BICD2: variants seen among roughly 807,000 people sequenced by gnomAD.
The protein encoded by BICD2 is BICD cargo adaptor 2, also known as protein bicaudal D homolog 2.
Under a neutral mutation model 72.9 loss-of-function variants are expected in BICD2, and 25 were observed. That is an observed-to-expected ratio of 0.34 (90% CI 0.25 to 0.48). BICD2 has a LOEUF of 0.48. BICD2 is among the 20% of genes least tolerant of loss of function. BICD2 has a pLI of 0.99. For missense variants in BICD2, 894 were observed against 1,175.2 expected (o/e 0.76, Z 3.50); for synonymous variants, 501 against 516.1 (o/e 0.97, Z 0.40).
In BICD2 at chr9:92,735,436, G is replaced by A. The variant is rs371993389; in HGVS notation, c.241-6200C>T. Among the ~76,000 whole-genome samples, 4 of 151,946 alleles carry A rather than the reference G, an allele frequency of 2.6e-5. No individual in the cohort carries two copies. The East Asian group carries it at 5.8e-4, about 22-fold the overall frequency. ...GGGAAGGGATTTCAAAAACCACATGGGGTGGGAAGGCCAGCCTCATCTGAG... is the reference window on the plus strand; with the variant it reads ...GGGAAGGGATTTCAAAAACCACATGAGGTGGGAAGGCCAGCCTCATCTGAG... On this transcript the variant is annotated intron_variant, in intron 1 of 6. Transcript: ENST00000356884.
chr9:92,727,586 G>A (rs533547840), intron 2 of BICD2, among the ~76,000 whole-genome samples: 6 of 152,296 alleles, frequency 3.9e-5, no homozygotes, highest in South Asian at 2.1e-4. Flanking sequence ...CAAAGGCCAC[G>A]GCCAGGAGGA....
chr9:92,750,746 A>G (rs1244194601), intron 1 of BICD2, among the ~76,000 whole-genome samples: 2 of 152,196 alleles, frequency 1.3e-5, no homozygotes, highest in Admixed American at 1.3e-4. Flanking sequence ...ACAAAAAGTG[A>G]ACCTTAATAT....
rs1853450566 is a variant in BICD2, at chr9:92,720,813, CCAT to C, written c.607-61_607-59del. 6 of 1,543,794 alleles carry C rather than the reference CCAT, an allele frequency of 3.9e-6. No homozygotes were observed. The highest frequency in any genetic ancestry group is 5.3e-6 in the Non-Finnish European group (6 of 1,139,600). ...GCAATGTGGAAGCTCCTTTCAGGCCCCATAAATGAAGAAAACACACCAGCACAC... is the reference window on the plus strand; with the variant it reads ...GCAATGTGGAAGCTCCTTTCAGGCCCAAATGAAGAAAACACACCAGCACAC... On this transcript the variant is annotated intron_variant, in intron 3 of 6. Transcript: ENST00000356884. This position sits in a 1 kb window ranked among gnomAD's most constrained non-coding sequence, Gnocchi z 5.4.
At chr9:92,746,394 T>C (rs1268669945) in intron 1 of BICD2, among the ~76,000 whole-genome samples, 1 of 152,080 alleles carries the variant, frequency 6.6e-6, no homozygotes, top group Non-Finnish European at 1.5e-5. Context: ...TAGCTGGGCA[T>C]GGTGGCAGGG....
At chr9:92,722,093 C>CA (rs1214370027) in intron 3 of BICD2, among the ~76,000 whole-genome samples, 1 of 152,222 alleles carries the variant, frequency 6.6e-6, no homozygotes, top group South Asian at 2.1e-4. Context: ...AGAGCAAGTT[C>CA]AGGCCTTGAG....
Position 92,719,114 on chromosome 9 carries a change from C to A in BICD2, c.1531G>T (p.Asp511Tyr). The change falls in exon 5 of 7, where the codon GAC (aspartate) becomes TAC (tyrosine). Residue 511 changes from aspartate (D) to tyrosine (Y), a missense_variant. Asp to Tyr is a radical substitution (Grantham distance 160). Transcript: ENST00000356884. ...CTGCCCTGTGTCTCGCCGGCGACGTCGCTCACCTTCTTTAGCTCCTTCTCC... is the reference window on the plus strand; with the variant it reads ...CTGCCCTGTGTCTCGCCGGCGACGTAGCTCACCTTCTTTAGCTCCTTCTCC... The part of the protein sequence containing the change: ...RLEKELKKVS[D>Y]VAGETQGSLS... 6.2e-7 allele frequency: 1 copy of A among 1,612,690 alleles called. No homozygotes were observed. The highest frequency in any genetic ancestry group is 8.5e-7 in the Non-Finnish European group (1 of 1,179,980).
intron 1 of BICD2, among the ~76,000 whole-genome samples, chr9:92,753,548 AT>A (rs1564072455): frequency 4.6e-5 from 7 of 151,562 alleles, no homozygotes; most frequent in Admixed American, 3.9e-4. Flanking sequence ...ATTTTATTTT[AT>A]TTTTTTTGAG....
chr9:92,758,638 G>A (rs551593890), intron 1 of BICD2, among the ~76,000 whole-genome samples: 1 of 151,088 alleles, frequency 6.6e-6, no homozygotes, highest in South Asian at 2.1e-4. Flanking sequence ...ATCACCTGAG[G>A]TCAGGAGTTC....
intron 1 of BICD2, among the ~76,000 whole-genome samples, chr9:92,748,784 A>G (rs1283919776): frequency 6.6e-6 from 1 of 152,106 alleles, no homozygotes; most frequent in East Asian, 1.9e-4. Flanking sequence ...GGCCCCCAGG[A>G]GCGGACAGAG....
chr9:92,713,720 C>G lies in BICD2; in HGVS notation c.*1434G>C. Reference sequence around the variant, plus strand: ...GGGCATGCCAGCAGCCATCCCACTGCGAGTCTTGCTGGGGCAGGGGGATCT... The same window carrying G: ...GGGCATGCCAGCAGCCATCCCACTGGGAGTCTTGCTGGGGCAGGGGGATCT... On this transcript the variant is annotated 3_prime_UTR_variant, in exon 7 of 7. Transcript: ENST00000356884. 1 of 1,368,370 alleles carries G rather than the reference C, an allele frequency of 7.3e-7. No individual in the cohort carries two copies. The allele number at this position is 1,368,370 out of a possible 1,614,324, so 84.8% of individuals were successfully genotyped here.
chr9:92,714,379 G>T lies in BICD2; in HGVS notation c.*775C>A, dbSNP rs1003775097. 2.0e-6 allele frequency: 2 copies of T among 985,360 alleles called. No homozygotes were observed. Among genetic ancestry groups the T allele is most frequent in the African/African-American group, 3.5e-5 (2 of 57,248 alleles). The allele number at this position is 985,360 out of a possible 1,614,324, so 61.0% of individuals were successfully genotyped here. A position where few individuals can be genotyped will look rare whatever the true frequency, so the allele number is the denominator to read the frequency against. The stretch of plus-strand genomic sequence containing the variant: ...AGGACCAAGGTCTGGCCAGGCACTT[G>T]GAAAGCTTTTCTCATGAAAAATGAA... On this transcript the variant is annotated 3_prime_UTR_variant, in exon 7 of 7. Transcript: ENST00000356884.
intron 1 of BICD2, among the ~76,000 whole-genome samples, chr9:92,755,032 C>G (rs532632517): frequency 6.6e-6 from 1 of 152,348 alleles, no homozygotes; most frequent in East Asian, 1.9e-4. Flanking sequence ...TCTCTTCTTT[C>G]AAAAGCAAAT....
At chr9:92,749,436 G>A (rs1013868046) in intron 1 of BICD2, among the ~76,000 whole-genome samples, 6 of 152,156 alleles carry the variant, frequency 3.9e-5, no homozygotes, top group Non-Finnish European at 8.8e-5. Context: ...GGGCTGAGAG[G>A]CACCCACACA....
At chr9:92,723,836 C>T (rs1853512402) in intron 2 of BICD2, among the ~76,000 whole-genome samples, 1 of 152,166 alleles carries the variant, frequency 6.6e-6, no homozygotes, top group Non-Finnish European at 1.5e-5. Flanking sequence ...CAACTTGCTG[C>T]CATGTGCCAG....
intron 1 of BICD2, among the ~76,000 whole-genome samples, chr9:92,746,119 T>G (rs1854007756): frequency 6.6e-6 from 1 of 152,152 alleles, no homozygotes; most frequent in African/African-American, 2.4e-5. Flanking sequence ...GGTCCCTCCC[T>G]CCCTAGAAGG....
chr9:92,728,968 T>C lies in BICD2; in HGVS notation c.453+56A>G, dbSNP rs553587800. 3.3e-4 allele frequency: 515 copies of C among 1,571,162 alleles called. 1 individual carries two copies. The highest frequency in any genetic ancestry group is 4.1e-4 in the Non-Finnish European group (476 of 1,153,682). Reference sequence around the variant, plus strand: ...AGCCACCCACCAGGCACACCTGCTATGTGACACTGGTGGCACTGCTGCAGC... The same window carrying C: ...AGCCACCCACCAGGCACACCTGCTACGTGACACTGGTGGCACTGCTGCAGC... On this transcript the variant is annotated intron_variant, in intron 2 of 6. Transcript: ENST00000356884.
chr9:92,733,797 C>T (rs1853722353), intron 1 of BICD2, among the ~76,000 whole-genome samples: 1 of 151,966 alleles, frequency 6.6e-6, no homozygotes. Flanking sequence ...GAAACCCCGT[C>T]TCTACTAAAA....
chr9:92,713,915 G>T lies in BICD2; in HGVS notation c.*1239C>A, dbSNP rs530526089. ...AATGCCTCTTCCGCATGAGAGACAAGGCAAGCAGCCTGCAGGAGAGAAGAC... is the reference window on the plus strand; with the variant it reads ...AATGCCTCTTCCGCATGAGAGACAATGCAAGCAGCCTGCAGGAGAGAAGAC... On this transcript the variant is annotated 3_prime_UTR_variant, in exon 7 of 7. Transcript: ENST00000356884. 159 of 999,324 alleles carry T rather than the reference G, an allele frequency of 1.6e-4. No homozygotes were observed. The highest frequency in any genetic ancestry group is 1.8e-4 in the Non-Finnish European group (152 of 837,976). The allele number at this position is 999,324 out of a possible 1,614,324, so 61.9% of individuals were successfully genotyped here.
At chr9:92,763,538 G>T (rs1854414825) in intron 1 of BICD2, among the ~76,000 whole-genome samples, 1 of 152,196 alleles carries the variant, frequency 6.6e-6, no homozygotes, top group Non-Finnish European at 1.5e-5. Context: ...TCACTAGCAA[G>T]GGGCACAGCC....
Sources: allele counts gnomAD v4.1 joint callset (sites outside exome capture counted in the v4.1 genomes callset), GRCh38; gene constraint gnomAD v4.1.1; non-coding constraint Gnocchi (gnomAD v3.1); transcripts MANE v1.5; gene names NCBI Gene and HGNC (gene_info 2026-07-23, HGNC 2026-07-21).